Variants in DIS3L2 observed in about 807,000 individuals in gnomAD.
DIS3L2 encodes the protein DIS3-like exonuclease 2.
A neutral mutation model predicts 97.5 loss-of-function variants in DIS3L2; 34 were observed. The observed-to-expected ratio is 0.35, with a 90% CI of 0.27 to 0.46. The LOEUF (loss-of-function observed/expected upper bound fraction) is 0.46. Ranked by LOEUF, DIS3L2 falls within the 20% of genes least tolerant of loss-of-function variation. The pLI is 1.00. For missense variants in DIS3L2, 1,038 were observed against 1,146.0 expected (o/e 0.91, Z 1.36); for synonymous variants, 435 against 445.2 (o/e 0.98, Z 0.29).
intron 1 of DIS3L2, among the ~76,000 whole-genome samples, chr2:232,003,971 A>G (rs1693977219): frequency 6.6e-6 from 1 of 152,098 alleles, no homozygotes; most frequent in Non-Finnish European, 1.5e-5. Context: ...AGTTTATTGA[A>G]TCTATGTATT....
intron 1 of DIS3L2, among the ~76,000 whole-genome samples, chr2:232,001,880 C>T (rs1169204674): frequency 6.6e-6 from 1 of 151,756 alleles, no homozygotes; most frequent in Non-Finnish European, 1.5e-5. Flanking sequence ...CCACCATGAC[C>T]AGCAAATTTT....
intron 1 of DIS3L2, 32 bp from the exon 2 acceptor site, chr2:232,014,803 C>A: frequency 9.8e-7 from 1 of 1,017,612 alleles, no homozygotes. Context: ...AGCTTAACCG[C>A]TCTCCAATTA....
chr2:232,339,788 G>A (rs907336271), downstream of DIS3L2: 7 of 452,446 alleles, frequency 1.5e-5, no homozygotes, highest in African/African-American at 1.4e-4. Context: ...GATGGGATGT[G>A]CAGCTGTGAC....
chr2:232,109,446 GATAAAA>G lies in DIS3L2; in HGVS notation c.602-21167_602-21162del, dbSNP rs1427945399. Among the ~76,000 whole-genome samples, 4 of 151,574 alleles carry G rather than the reference GATAAAA, an allele frequency of 2.6e-5. No individual in the cohort carries two copies. In the South Asian group the frequency reaches 8.3e-4, roughly 32 times the overall value. On this transcript the variant is annotated intron_variant, in intron 6 of 20. Transcript: ENST00000325385. Reference sequence around the variant, plus strand: ...ACAGAGCGAGACTCAGTCTCAAAAAGATAAAAATAAATAAATAAAAAAAAATAAAAA... The same window carrying G: ...ACAGAGCGAGACTCAGTCTCAAAAAGATAAATAAATAAAAAAAAATAAAAA...
At chr2:232,302,106 G>C in intron 14 of DIS3L2, among the ~76,000 whole-genome samples, 1 of 151,898 alleles carries the variant, frequency 6.6e-6, no homozygotes, top group Non-Finnish European at 1.5e-5. Flanking sequence ...GAAAATACTT[G>C]TGTAGGAAAT....
intron 5 of DIS3L2, among the ~76,000 whole-genome samples, chr2:232,054,602 C>T (rs1695493744): frequency 6.8e-6 from 1 of 148,002 alleles, no homozygotes; most frequent in Non-Finnish European, 1.5e-5. Flanking sequence ...AATGGCTTTC[C>T]TAAACTCATT....
chr2:232,231,271 A>G (rs1356346092), intron 10 of DIS3L2, among the ~76,000 whole-genome samples: 1 of 152,194 alleles, frequency 6.6e-6, no homozygotes, highest in African/African-American at 2.4e-5. Flanking sequence ...TGATTGAATG[A>G]ATGAAGATGG....
intron 8 of DIS3L2, among the ~76,000 whole-genome samples, chr2:232,143,738 A>G (rs993384161): frequency 1.3e-5 from 2 of 152,252 alleles, no homozygotes; most frequent in Non-Finnish European, 2.9e-5. Context: ...TTTGAAACCT[A>G]ATACTAAAAC....
At chr2:232,333,114 GTCC>G (rs1695797342) in intron 16 of DIS3L2, among the ~76,000 whole-genome samples, 1 of 142,168 alleles carries the variant, frequency 7.0e-6, no homozygotes, top group Non-Finnish European at 1.6e-5. Context: ...CCTCCTCATT[GTCC>G]TCCTCGACCA....
intron 5 of DIS3L2, among the ~76,000 whole-genome samples, chr2:232,056,983 A>G (rs1574842372): frequency 1.3e-5 from 2 of 152,322 alleles, no homozygotes; most frequent in East Asian, 3.9e-4. Flanking sequence ...TCCTAGGAAT[A>G]TTATATAAAA....
At chr2:232,235,518 A>C (rs1239644286) in intron 10 of DIS3L2, among the ~76,000 whole-genome samples, 1 of 152,248 alleles carries the variant, frequency 6.6e-6, no homozygotes, top group African/African-American at 2.4e-5. Context: ...TCTGAATGAA[A>C]TTTAAGCCTC....
In DIS3L2 at chr2:232,337,005, C is replaced by A. The variant is rs1695980409; in HGVS notation, c.*375C>A. 1.8e-6 allele frequency: 2 copies of A among 1,090,124 alleles called. No individual in the cohort carries two copies. Among genetic ancestry groups the A allele is most frequent in the South Asian group, 2.5e-5 (1 of 40,800 alleles). 67.5% of individuals were successfully genotyped at this position (1,090,124 alleles called of 1,614,324 possible). A position where few individuals can be genotyped will look rare whatever the true frequency, so the allele number is the denominator to read the frequency against. ...TGGTGTGTAGGGCGCCTCTGGGAAG[C>A]CTGGGCAGCAGAATGCCCCTTGCAC... On this transcript the variant is annotated 3_prime_UTR_variant, in exon 21 of 21. Coordinates refer to ENST00000325385, the MANE Select transcript of DIS3L2 (RefSeq NM_152383.5).
At chr2:231,990,494 A>G (rs553188565) in intron 1 of DIS3L2, among the ~76,000 whole-genome samples, 1 of 152,232 alleles carries the variant, frequency 6.6e-6, no homozygotes, top group Non-Finnish European at 1.5e-5. Context: ...GATGACTTTA[A>G]TCGTAGTAAT....
At chr2:232,164,705 A>G (rs145531758) in intron 9 of DIS3L2, among the ~76,000 whole-genome samples, 35 of 152,286 alleles carry the variant, frequency 2.3e-4, no homozygotes, top group African/African-American at 8.4e-4. Flanking sequence ...CCTACTTGTT[A>G]GTATCTCTCA....
At chr2:232,010,129 C>G (rs1016137959) in intron 1 of DIS3L2, among the ~76,000 whole-genome samples, 6 of 152,170 alleles carry the variant, frequency 3.9e-5, no homozygotes, top group Non-Finnish European at 7.3e-5. Context: ...TGGACCAGCA[C>G]TTCTCAAATT....
At chr2:232,299,958 G>A (rs1020988012) in intron 13 of DIS3L2, 82 bp from the exon 14 acceptor site, 1 of 1,423,104 alleles carries the variant, frequency 7.0e-7, no homozygotes, top group Non-Finnish European at 9.8e-7. Flanking sequence ...GACTTCGTTT[G>A]ATTTTATTTT....
intron 3 of DIS3L2, among the ~76,000 whole-genome samples, chr2:232,017,582 A>G (rs372098243): frequency 1.1e-3 from 170 of 152,260 alleles, no homozygotes; most frequent in African/African-American, 3.9e-3. Context: ...CTTGTTTCAC[A>G]TAGGAGGACC....
At chr2:232,263,548 C>T in intron 13 of DIS3L2, 108 bp downstream of exon 13, 2 of 1,049,976 alleles carry the variant, frequency 1.9e-6, no homozygotes, top group Non-Finnish European at 2.8e-6. Flanking sequence ...TCTCTTTGCT[C>T]CAGGCACCAC....
intron 1 of DIS3L2, among the ~76,000 whole-genome samples, chr2:232,000,586 A>G (rs1459876457): frequency 1.2e-5 from 1 of 81,144 alleles, no homozygotes; most frequent in South Asian, 3.3e-4. Flanking sequence ...GTTGCAAATG[A>G]GAGGGATTTC....
Sources: gnomAD v4.1 joint callset for allele counts (sites outside exome capture counted in the v4.1 genomes callset) on GRCh38, gnomAD v4.1.1 for gene constraint, MANE v1.5 for transcripts, NCBI Gene and HGNC (gene_info 2026-07-23, HGNC 2026-07-21) for gene names.